EYA4: variants seen among roughly 807,000 people sequenced by gnomAD.
EYA4 encodes the protein protein phosphatase EYA4.
A neutral mutation model predicts 87.9 loss-of-function variants in EYA4; 31 were observed. The ratio of observed to expected loss-of-function variants is 0.35; its 90% CI spans 0.27 to 0.48. EYA4 has a LOEUF of 0.48. Ranked by LOEUF, EYA4 falls within the 20% of genes least tolerant of loss-of-function variation. The probability of loss-of-function intolerance (pLI) is 0.99; values close to 1 mark genes in which losing one functional copy is unlikely to be tolerated. For missense variants in EYA4, 678 were observed against 761.4 expected (o/e 0.89, Z 1.29); for synonymous variants, 263 against 270.6 (o/e 0.97, Z 0.28).
At position 133,509,348 on chromosome 6, in the gene EYA4, A is replaced by G. The variant is rs1002157206; in HGVS notation, c.1281+3153A>G. ...AAGAGAGTAACTCTAACATTAGCTT[A>G]TTATGTTGTCATTGTTGATGTTGAA... On this transcript the variant is annotated intron_variant, in intron 14 of 19. Transcript: ENST00000355286. Among the ~76,000 whole-genome samples the G allele has an allele frequency of 2.7e-5, 4 of 150,602 alleles. No individual in the cohort carries two copies. The East Asian group carries it at 7.9e-4, about 30-fold the overall frequency.
At chr6:133,297,438 A>G (rs912844401) in intron 2 of EYA4, among the ~76,000 whole-genome samples, 4 of 152,236 alleles carry the variant, frequency 2.6e-5, no homozygotes, top group African/African-American at 4.8e-5. Flanking sequence ...AGCCAAGGTC[A>G]AAACAGGCTT....
chr6:133,428,854 T>C (rs1790906338), intron 3 of EYA4, among the ~76,000 whole-genome samples: 1 of 150,990 alleles, frequency 6.6e-6, no homozygotes. Context: ...AAAACAATTA[T>C]TAATTTAGAT....
At chr6:133,425,554 T>C (rs1207557558) in intron 3 of EYA4, among the ~76,000 whole-genome samples, 3 of 150,804 alleles carry the variant, frequency 2.0e-5, no homozygotes, top group Non-Finnish European at 4.4e-5. Context: ...TCTTCCTGTT[T>C]TGTTCAAATC....
intron 13 of EYA4, among the ~76,000 whole-genome samples, chr6:133,494,254 T>A (rs1388666440): frequency 2.6e-5 from 4 of 152,134 alleles, no homozygotes; most frequent in African/African-American, 9.7e-5. Context: ...AAAAATGAGA[T>A]CCTGTCATTT....
intron 2 of EYA4, among the ~76,000 whole-genome samples, chr6:133,288,136 T>TA (rs145832550): frequency 0.18 from 26,962 of 151,436 alleles, 2,841 homozygotes; most frequent in East Asian, 0.42. Context: ...TCCATTTCAA[T>TA]AAAAAAAAGG....
At chr6:133,496,330 C>T (rs1173097134) in intron 13 of EYA4, among the ~76,000 whole-genome samples, 2 of 152,116 alleles carry the variant, frequency 1.3e-5, no homozygotes, top group Non-Finnish European at 2.9e-5. Context: ...TAGAGTGTAA[C>T]AACATTTTGG....
chr6:133,395,264 T>A (rs1186281175), intron 3 of EYA4, among the ~76,000 whole-genome samples: 11 of 149,500 alleles, frequency 7.4e-5, no homozygotes, highest in Non-Finnish European at 1.6e-4. Context: ...CCAGGTCAGG[T>A]ACCTAGCACA....
chr6:133,450,761 T>A (rs1219401525), intron 5 of EYA4, among the ~76,000 whole-genome samples: 1 of 152,224 alleles, frequency 6.6e-6, no homozygotes, highest in African/African-American at 2.4e-5. Context: ...TCTGACTACC[T>A]AGGCCTCCCA....
intron 7 of EYA4, 48 bp downstream of exon 7, chr6:133,461,228 T>TATCCAAGTATTATCCAACCATCTATA: frequency 8.0e-7 from 1 of 1,247,008 alleles, no homozygotes; most frequent in South Asian, 1.2e-5. Flanking sequence ...CATTTATGTC[T>TATCCAAGTATTATCCAACCATCTATA]ATACATGTTT....
Position 133,529,610 on chromosome 6 carries a change from G to A in EYA4, c.*805G>A. ...CTCTCAGAGCTTAATTACCGCATCA[G>A]CAAGAAACTGAGTATTTTTTGCAAT... On this transcript the variant is annotated 3_prime_UTR_variant, in exon 20 of 20. Transcript: ENST00000355286. 1 of 984,998 alleles carries A rather than the reference G, an allele frequency of 1.0e-6. No individual in the cohort carries two copies. Among genetic ancestry groups the A allele is most frequent in the Non-Finnish European group, 1.2e-6 (1 of 829,748 alleles). The allele number at this position is 984,998 out of a possible 1,614,324, so 61.0% of individuals were successfully genotyped here. A position where few individuals can be genotyped will look rare whatever the true frequency, so the allele number is the denominator to read the frequency against.
At chr6:133,434,153 T>A (rs936615130) in intron 3 of EYA4, among the ~76,000 whole-genome samples, 1 of 152,176 alleles carries the variant, frequency 6.6e-6, no homozygotes, top group Non-Finnish European at 1.5e-5. Flanking sequence ...GAATTGGAGA[T>A]GCCCTCCCTG....
At position 133,525,164 on chromosome 6, in the gene EYA4, T is replaced by C; in HGVS notation, c.1749T>C (p.Ser583=). ...IYSATKIGKE[S]CFERIMQRFG... ...TCATTTATCTTCCAGGAAAAGAAAGTTGCTTTGAACGAATAATGCAAAGGT... is the reference window on the plus strand; with the variant it reads ...TCATTTATCTTCCAGGAAAAGAAAGCTGCTTTGAACGAATAATGCAAAGGT... The change falls in exon 19 of 20, where the codon AGT becomes AGC. Residue 583 remains serine, a synonymous_variant. Transcript: ENST00000355286. The C allele has an allele frequency of 6.2e-7, 1 of 1,613,744 alleles. No homozygotes were observed. The highest frequency in any genetic ancestry group is 8.5e-7 in the Non-Finnish European group (1 of 1,179,776).
chr6:133,468,765 AT>A, intron 11 of EYA4, 34 bp downstream of exon 11: 1 of 1,606,482 alleles, frequency 6.2e-7, no homozygotes, highest in Non-Finnish European at 8.5e-7. Context: ...ATACTTTTAT[AT>A]GTTTTGCAAT....
At chr6:133,281,061 T>A (rs1777583848) in intron 2 of EYA4, among the ~76,000 whole-genome samples, 1 of 152,222 alleles carries the variant, frequency 6.6e-6, no homozygotes, top group Non-Finnish European at 1.5e-5. Context: ...TAGTTCCTTT[T>A]TATGGCCAAA....
rs376514170 is a variant in EYA4, at chr6:133,486,387, T to C, written c.1191+3272T>C. On this transcript the variant is annotated intron_variant, in intron 13 of 19. Transcript: ENST00000355286. ...CAGACACCTCAGGGTTCACGGCAGA[T>C]GGGACAGAGATGACGTTGGGTAGCT... is the stretch of plus-strand genomic sequence containing the variant. Among the ~76,000 whole-genome samples, 3 of 152,098 alleles carry C rather than the reference T, an allele frequency of 2.0e-5. No individual in the cohort carries two copies. The South Asian group carries it at 6.2e-4, about 31-fold the overall frequency.
chr6:133,415,937 C>T (rs978678341), intron 3 of EYA4, among the ~76,000 whole-genome samples: 2 of 152,168 alleles, frequency 1.3e-5, no homozygotes, highest in Admixed American at 1.3e-4. Context: ...CTGAATGGCT[C>T]AATAAACACT....
At chr6:133,244,010 C>G (rs1774198868) in intron 1 of EYA4, among the ~76,000 whole-genome samples, 1 of 152,078 alleles carries the variant, frequency 6.6e-6, no homozygotes, top group African/African-American at 2.4e-5. Context: ...AAGTTAAACC[C>G]GTATTTAGGA....
At chr6:133,275,401 C>T (rs892169656) in intron 2 of EYA4, among the ~76,000 whole-genome samples, 2 of 152,146 alleles carry the variant, frequency 1.3e-5, no homozygotes, top group African/African-American at 4.8e-5. Flanking sequence ...GAACTAGAGG[C>T]AGTGGGAGGG....
At chr6:133,332,583 T>C (rs68021023) in intron 2 of EYA4, among the ~76,000 whole-genome samples, 69,287 of 151,992 alleles carry the variant, frequency 0.46, 16,212 homozygotes, top group Middle Eastern at 0.53. Flanking sequence ...TCGCCAGTGT[T>C]GCCAGGCTGG....
Sources: allele counts gnomAD v4.1 joint callset (sites outside exome capture counted in the v4.1 genomes callset), GRCh38; gene constraint gnomAD v4.1.1; transcripts MANE v1.5; gene names NCBI Gene and HGNC (gene_info 2026-07-23, HGNC 2026-07-21).